Variants in TSC22D1 observed in about 807,000 individuals in gnomAD.
TSC22D1 encodes TSC22 domain family protein 1.
TSC22D1 carries 9 observed loss-of-function variants against 74.2 expected under a neutral mutation model. That is an observed-to-expected ratio of 0.12 (90% confidence interval 0.07 to 0.21). The LOEUF is 0.21. Among genes scored for constraint, TSC22D1 ranks in the 10% least tolerant of loss-of-function variants. TSC22D1 has a pLI of 1.00. For synonymous variants in TSC22D1, 586 were observed against 492.5 expected (o/e 1.19, Z -2.51); for missense variants, 1,427 against 1,304.7 (o/e 1.09, Z -1.44).
rs554837373 is a variant in TSC22D1 at position 44,552,714 on chromosome 13, C to T, written c.2912+20449G>A. On this transcript the variant is annotated intron_variant, in intron 1 of 2. Coordinates refer to ENST00000458659, the MANE Select transcript of TSC22D1 (RefSeq NM_183422.4). ...ATAGAAAATAAGGTGGTAGGCCGGG[C>T]GTGGTGGCTCACGCCTGTAATCCCA... 5.5e-3 allele frequency among the ~76,000 whole-genome samples: 834 copies of T among 152,162 alleles called. 5 individuals carry two copies. Among genetic ancestry groups the T allele is most frequent in the Non-Finnish European group, 9.2e-3 (627 of 67,986 alleles).
chr13:44,465,389 G>T (rs140416980), intron 1 of TSC22D1, among the ~76,000 whole-genome samples: 79 of 152,300 alleles, frequency 5.2e-4, no homozygotes, highest in African/African-American at 1.8e-3. Context: ...GGGGACACGA[G>T]CATGACAATG....
At chr13:44,495,384 A>G (rs1310332774) in intron 1 of TSC22D1, among the ~76,000 whole-genome samples, 1 of 152,086 alleles carries the variant, frequency 6.6e-6, no homozygotes, top group Non-Finnish European at 1.5e-5. Flanking sequence ...CATTCTCCCT[A>G]GTAGACCTGC....
intron 1 of TSC22D1, among the ~76,000 whole-genome samples, chr13:44,541,871 C>T (rs1881491024): frequency 6.6e-6 from 1 of 152,118 alleles, no homozygotes; most frequent in Admixed American, 6.6e-5. Context: ...GAGCTATCTA[C>T]ATACATTTTC....
Position 44,457,637 on chromosome 13 carries a change from CAAAAAA to C in TSC22D1, c.2913-21548_2913-21543del, listed in dbSNP as rs10692086. On this transcript the variant is annotated intron_variant, in intron 1 of 2. Coordinates refer to ENST00000458659, the MANE Select transcript of TSC22D1 (RefSeq NM_183422.4). ...AATATATGTACTGAAAAGCAAATAGCAAAAAAAAAAAAAAAAAAAAAGGAATACTTT... is the reference window on the plus strand; with the variant it reads ...AATATATGTACTGAAAAGCAAATAGCAAAAAAAAAAAAAAAGGAATACTTT... 3.6e-3 allele frequency among the ~76,000 whole-genome samples: 310 copies of C among 85,440 alleles called. 2 individuals carry two copies. The highest frequency in any genetic ancestry group is 0.013 in the African/African-American group (289 of 21,560). 56.1% of individuals were successfully genotyped at this position (85,440 alleles called of 152,430 possible).
intron 1 of TSC22D1, chr13:44,536,877 G>A: frequency 5.2e-6 from 5 of 969,570 alleles, no homozygotes; most frequent in Non-Finnish European, 6.0e-6. Context: ...TACATTCACT[G>A]GTGACCCCCA....
chr13:44,498,039 G>A (rs993074203), intron 1 of TSC22D1, among the ~76,000 whole-genome samples: 10 of 150,464 alleles, frequency 6.6e-5, no homozygotes, highest in Non-Finnish European at 4.4e-5. Context: ...AGAGGGTGTA[G>A]TCTTCCTACT....
chr13:44,558,323 T>C (rs1449075971), intron 1 of TSC22D1, among the ~76,000 whole-genome samples: 2 of 152,200 alleles, frequency 1.3e-5, no homozygotes, highest in African/African-American at 4.8e-5. Flanking sequence ...CAACCAATAA[T>C]ACAGTAAAAA....
chr13:44,566,789 T>C (rs967076608), intron 1 of TSC22D1, among the ~76,000 whole-genome samples: 15 of 151,930 alleles, frequency 9.9e-5, no homozygotes, highest in African/African-American at 3.1e-4. Flanking sequence ...GACAGTTGAG[T>C]GACAAATGAC....
At chr13:44,535,641 C>CAAAAA (rs142929734) in intron 1 of TSC22D1, among the ~76,000 whole-genome samples, 1 of 150,302 alleles carries the variant, frequency 6.7e-6, no homozygotes, top group African/African-American at 2.5e-5. Context: ...AACAAACAAA[C>CAAAAA]AAAAAAAACC....
chr13:44,562,729 C>T (rs1050247616), intron 1 of TSC22D1, among the ~76,000 whole-genome samples: 23 of 152,230 alleles, frequency 1.5e-4, no homozygotes, highest in Non-Finnish European at 2.4e-4. Context: ...CATATTAGTT[C>T]GCATTTACCT....
chr13:44,566,256 A>G (rs1317441078), intron 1 of TSC22D1, among the ~76,000 whole-genome samples: 1 of 152,198 alleles, frequency 6.6e-6, no homozygotes, highest in Non-Finnish European at 1.5e-5. Context: ...CGAATTGGAA[A>G]AACAGCCTTG....
chr13:44,543,048 T>A, intron 1 of TSC22D1, among the ~76,000 whole-genome samples: 1 of 152,152 alleles, frequency 6.6e-6, no homozygotes, highest in East Asian at 1.9e-4. Flanking sequence ...CTGTTATAGA[T>A]CTATTAACCT....
chr13:44,519,841 G>GC (rs1371940446), intron 1 of TSC22D1, among the ~76,000 whole-genome samples: 1 of 151,992 alleles, frequency 6.6e-6, no homozygotes, highest in Admixed American at 6.6e-5. Flanking sequence ...AGATATTTCA[G>GC]CCCTCCAGCC....
chr13:44,534,912 AAGTAC>A (rs1488790581), intron 1 of TSC22D1, among the ~76,000 whole-genome samples: 4 of 152,142 alleles, frequency 2.6e-5, no homozygotes, highest in Non-Finnish European at 5.9e-5. Flanking sequence ...CAACTTACCA[AAGTAC>A]AGTATTTTTA....
chr13:44,509,525 A>G (rs1879591380), intron 1 of TSC22D1, among the ~76,000 whole-genome samples: 1 of 152,222 alleles, frequency 6.6e-6, no homozygotes, highest in Non-Finnish European at 1.5e-5. Context: ...CTGTAGTCCC[A>G]GCTACTCAGG....
In TSC22D1 at chr13:44,495,298, A is replaced by G. The variant is rs1484377815; in HGVS notation, c.2913-59203T>C. On this transcript the variant is annotated intron_variant, in intron 1 of 2. Transcript: ENST00000458659. ...GTGACATATTTAAAATGCTAAGGAA[A>G]AAAAAAAAAAAAACAGTCTAACGGT... Among the ~76,000 whole-genome samples, 52 of 119,446 alleles carry G rather than the reference A, an allele frequency of 4.4e-4. 1 individual carries two copies. Among genetic ancestry groups the G allele is most frequent in the African/African-American group, 1.4e-3 (46 of 33,218 alleles). The allele number at this position is 119,446 out of a possible 152,430, so 78.4% of individuals were successfully genotyped here.
At chr13:44,488,133 G>T (rs1878530839) in intron 1 of TSC22D1, among the ~76,000 whole-genome samples, 1 of 152,156 alleles carries the variant, frequency 6.6e-6, no homozygotes, top group East Asian at 1.9e-4. Flanking sequence ...CCTTCTTAAT[G>T]GTCAAATGTC....
chr13:44,559,903 G>C (rs1478343990), intron 1 of TSC22D1, among the ~76,000 whole-genome samples: 1 of 151,844 alleles, frequency 6.6e-6, no homozygotes, highest in African/African-American at 2.4e-5. Context: ...TGTTGGCCAG[G>C]CTGGTCTTGA....
At chr13:44,524,064 T>C (rs955379677) in intron 1 of TSC22D1, among the ~76,000 whole-genome samples, 4 of 152,096 alleles carry the variant, frequency 2.6e-5, no homozygotes, top group Admixed American at 2.6e-4. Context: ...CTATACATAA[T>C]AAAAGATGCA....
Sources: gnomAD v4.1 joint callset for allele counts (sites outside exome capture counted in the v4.1 genomes callset) on GRCh38, gnomAD v4.1.1 for gene constraint, MANE v1.5 for transcripts, NCBI Gene and HGNC (gene_info 2026-07-23, HGNC 2026-07-21) for gene names.